The following HMBOX1 variants were observed in gnomAD, a reference collection of about 807,000 sequenced individuals.
HMBOX1 encodes the protein homeobox-containing protein 1.
HMBOX1 carries 14 observed loss-of-function variants against 54.5 expected under a neutral mutation model. The observed-to-expected ratio is 0.26, with a 90% CI of 0.17 to 0.40. The LOEUF (loss-of-function observed/expected upper bound fraction) is 0.40. Ranked by LOEUF, HMBOX1 falls within the 10% of genes least tolerant of loss-of-function variation. The pLI, the probability that HMBOX1 is intolerant of heterozygous loss-of-function variation, is 1.00. For synonymous variants in HMBOX1, 160 were observed against 181.0 expected, an observed-to-expected ratio of 0.88 and a Z score of 0.93; for missense variants, 332 against 514.4, an observed-to-expected ratio of 0.65 and a Z score of 3.43.
At chr8:29,017,709 C>G (rs1835236641) in intron 5 of HMBOX1, among the ~76,000 whole-genome samples, 1 of 152,070 alleles carries the variant, frequency 6.6e-6, no homozygotes, top group South Asian at 2.1e-4. Context: ...GATTGATTAA[C>G]ATTTTGGACA....
chr8:28,989,739 G>C (rs1393908743), intron 4 of HMBOX1, among the ~76,000 whole-genome samples: 1 of 152,144 alleles, frequency 6.6e-6, no homozygotes, highest in Non-Finnish European at 1.5e-5. Context: ...TCTACAAAAA[G>C]CACATCTGTA....
intron 1 of HMBOX1, among the ~76,000 whole-genome samples, chr8:28,906,255 T>A (rs887412683): frequency 1.3e-5 from 2 of 152,222 alleles, no homozygotes; most frequent in African/African-American, 4.8e-5. Flanking sequence ...AGCCCTTCTT[T>A]CCTGCACTTT....
At chr8:29,018,595 A>G (rs1800689999) in intron 5 of HMBOX1, among the ~76,000 whole-genome samples, 165 bp from the exon 6 acceptor site, 1 of 152,226 alleles carries the variant, frequency 6.6e-6, no homozygotes, top group Admixed American at 6.5e-5. Context: ...CAAAAAGAGT[A>G]TAACTATCAA....
intron 1 of HMBOX1, among the ~76,000 whole-genome samples, chr8:28,893,271 A>G (rs562559774): frequency 2.0e-5 from 3 of 152,332 alleles, no homozygotes; most frequent in African/African-American, 7.2e-5. Flanking sequence ...AGGTTAAAGC[A>G]TAAAACATTC....
intron 1 of HMBOX1, among the ~76,000 whole-genome samples, chr8:28,909,911 G>C (rs1272265446): frequency 6.6e-6 from 1 of 151,688 alleles, no homozygotes; most frequent in East Asian, 1.9e-4. Flanking sequence ...CCAGGCTGTA[G>C]TACTGTGGTG....
intron 3 of HMBOX1, among the ~76,000 whole-genome samples, chr8:28,977,917 C>T (rs1828690625): frequency 6.7e-6 from 1 of 149,888 alleles, no homozygotes. Flanking sequence ...GCACTCCAGC[C>T]TGGGCGACTG....
intron 6 of HMBOX1, among the ~76,000 whole-genome samples, chr8:29,029,580 A>C (rs1789353066): frequency 6.6e-6 from 1 of 152,234 alleles, no homozygotes; most frequent in African/African-American, 2.4e-5. Flanking sequence ...AAGAATAAGG[A>C]AGTGACCCTA....
chr8:28,951,745 C>T lies in HMBOX1; in HGVS notation c.-57-12066C>T, dbSNP rs566253807. Among the ~76,000 whole-genome samples, 5 of 152,236 alleles carry T rather than the reference C, an allele frequency of 3.3e-5. No individual in the cohort carries two copies. In the East Asian group the frequency reaches 7.7e-4, roughly 23 times the overall value. On this transcript the variant is annotated intron_variant, in intron 1 of 9. Coordinates refer to ENST00000287701, the MANE Select transcript of HMBOX1 (RefSeq NM_001135726.3). ...ACTGAATATAATTTTAAAATATAGG[C>T]CCAGAGAATTAATAGTTTCCTTTCA...
intron 4 of HMBOX1, among the ~76,000 whole-genome samples, chr8:28,986,686 T>C (rs1226666119): frequency 2.0e-5 from 3 of 152,188 alleles, no homozygotes; most frequent in Admixed American, 6.5e-5. Flanking sequence ...GTTATAATTG[T>C]TTTCGCAGAG....
intron 6 of HMBOX1, among the ~76,000 whole-genome samples, chr8:29,034,856 CAAAAT>C (rs1160092371): frequency 6.6e-6 from 1 of 151,310 alleles, no homozygotes; most frequent in Admixed American, 6.6e-5. Context: ...GACTCCATCT[CAAAAT>C]AAAATAAATA....
intron 7 of HMBOX1, 105 bp downstream of exon 7, chr8:29,045,548 G>A (rs988956248): frequency 1.9e-5 from 16 of 856,080 alleles, no homozygotes; most frequent in South Asian, 8.5e-5. Context: ...TGGTGCTCCC[G>A]GCTCAGTCTG....
chr8:28,940,026 GA>G (rs1359314391), intron 1 of HMBOX1, among the ~76,000 whole-genome samples: 3 of 152,008 alleles, frequency 2.0e-5, no homozygotes, highest in Admixed American at 6.6e-5. Context: ...AATTGTTTTA[GA>G]TTTTTTTTGT....
chr8:29,027,844 A>G (rs1371188190), intron 6 of HMBOX1, among the ~76,000 whole-genome samples: 2 of 152,204 alleles, frequency 1.3e-5, no homozygotes, highest in African/African-American at 2.4e-5. Context: ...GGAACATGCA[A>G]ATTAAATGCT....
intron 1 of HMBOX1, among the ~76,000 whole-genome samples, chr8:28,946,910 G>C (rs547902363): frequency 6.6e-6 from 1 of 152,290 alleles, no homozygotes; most frequent in Admixed American, 6.5e-5. Flanking sequence ...TGAGAACCCA[G>C]GAGCTTGTCA....
intron 4 of HMBOX1, among the ~76,000 whole-genome samples, chr8:29,006,383 A>G (rs1409630756): frequency 1.3e-5 from 2 of 152,196 alleles, no homozygotes; most frequent in Non-Finnish European, 2.9e-5. Flanking sequence ...TCTTTTGAAC[A>G]TACTTCTATT....
chr8:28,977,405 C>G (rs1828579153), intron 3 of HMBOX1, among the ~76,000 whole-genome samples: 1 of 151,990 alleles, frequency 6.6e-6, no homozygotes, highest in South Asian at 2.1e-4. Flanking sequence ...TAAAAAGTTT[C>G]AGATTAATTT....
chr8:28,972,654 T>A (rs1263490618), intron 3 of HMBOX1, among the ~76,000 whole-genome samples: 1 of 152,200 alleles, frequency 6.6e-6, no homozygotes, highest in Non-Finnish European at 1.5e-5. Flanking sequence ...TTTGATAAGC[T>A]TTTGACATAA....
At chr8:29,005,808 T>G (rs1833370126) in intron 4 of HMBOX1, among the ~76,000 whole-genome samples, 1 of 152,206 alleles carries the variant, frequency 6.6e-6, no homozygotes, top group Non-Finnish European at 1.5e-5. Flanking sequence ...TAACTTTATT[T>G]AAAATGAATC....
chr8:29,047,366 C>A lies in HMBOX1; in HGVS notation c.943C>A (p.Leu315Met). ...NAVIQKPGKKLSDLERVTSLK... is the reference protein window; with the variant it reads ...NAVIQKPGKKMSDLERVTSLK... ...ATTGCATGTATTCACAGGCAAAAAG[C>A]TGTCAGATCTGGAAAGAGTTACCTC... Residue 315 changes from leucine to methionine, a missense_variant, in exon 8 of 10, where the codon CTG becomes ATG. By Grantham distance (15) the Leu-to-Met change is conservative. Coordinates refer to ENST00000287701, the MANE Select transcript of HMBOX1 (RefSeq NM_001135726.3). 1 of 1,599,022 alleles carries A rather than the reference C, an allele frequency of 6.3e-7. No individual in the cohort carries two copies. Among genetic ancestry groups the A allele is most frequent in the Non-Finnish European group, 8.6e-7 (1 of 1,166,454 alleles).
Sources: gnomAD v4.1 joint callset for allele counts (sites outside exome capture counted in the v4.1 genomes callset) on GRCh38, gnomAD v4.1.1 for gene constraint, MANE v1.5 for transcripts, NCBI Gene and HGNC (gene_info 2026-07-23, HGNC 2026-07-21) for gene names.